Variants in MTSS2 observed in about 807,000 individuals in gnomAD.
MTSS2 encodes protein MTSS 2.
MTSS2 carries 27 observed loss-of-function variants against 67.1 expected under a neutral mutation model. That is an observed-to-expected ratio of 0.40 (90% confidence interval 0.30 to 0.55). The LOEUF (loss-of-function observed/expected upper bound fraction) is 0.55, where lower values mean the gene tolerates loss of function less well. Ranked by LOEUF, MTSS2 falls within the 20% of genes least tolerant of loss-of-function variation. The pLI is 0.43. For missense variants in MTSS2, 1,171 were observed against 1,067.8 expected, an observed-to-expected ratio of 1.10 and a Z score of -1.35; for synonymous variants, 624 against 468.6, an observed-to-expected ratio of 1.33 and a Z score of -4.28.
At chr16:70,665,400 G>A in intron 12 of MTSS2, 66 bp downstream of exon 12, 4 of 1,472,544 alleles carry the variant, frequency 2.7e-6, no homozygotes, top group Non-Finnish European at 3.7e-6. Context: ...AATGGCACCA[G>A]GTGGGGAGGG....
intron 11 of MTSS2, among the ~76,000 whole-genome samples, chr16:70,666,461 G>T (rs746053030): frequency 6.6e-6 from 1 of 152,224 alleles, no homozygotes; most frequent in African/African-American, 2.4e-5. Flanking sequence ...ATGTGTGACC[G>T]GCAGGGTTCC....
At chr16:70,666,398 TACAAAGA>T (rs1047067550) in intron 11 of MTSS2, among the ~76,000 whole-genome samples, 1 of 151,986 alleles carries the variant, frequency 6.6e-6, no homozygotes, top group Non-Finnish European at 1.5e-5. Flanking sequence ...CCTAAACAAC[TACAAAGA>T]ATAAAGAAAA....
At chr16:70,675,462 A>G (rs1315952923) in intron 10 of MTSS2, among the ~76,000 whole-genome samples, 1 of 152,184 alleles carries the variant, frequency 6.6e-6, no homozygotes, top group East Asian at 1.9e-4. Flanking sequence ...CAAAAAACCT[A>G]TTGGTTTCAC....
chr16:70,676,801 G>T, intron 10 of MTSS2, 80 bp downstream of exon 10: 1 of 1,247,438 alleles, frequency 8.0e-7, no homozygotes, highest in Non-Finnish European at 1.2e-6. Context: ...AGCAATTTCT[G>T]ATGCAATTTT....
chr16:70,664,730 G>A lies in MTSS2; in HGVS notation c.1339C>T (p.Leu447=), dbSNP rs2052635043. The A allele has an allele frequency of 1.2e-6, 2 of 1,612,796 alleles. No homozygotes were observed. The highest frequency in any genetic ancestry group is 1.7e-6 in the Non-Finnish European group (2 of 1,179,674). Residue 447 remains leucine (L), a synonymous_variant, in exon 14 of 15, where the codon CTG becomes TTG. Coordinates refer to ENST00000338779, the MANE Select transcript of MTSS2 (RefSeq NM_138383.3). ...AGGCCCCGCGTCAGCACCATGGCCA[G>A]GTCACTGGCGGCGGGGGACACCTCC... The part of the protein sequence containing the change: ...GEEVSPAASD[L]AMVLTRGLSL...
rs1056335454 is a variant in MTSS2, at chr16:70,663,617, G to C, written c.*60C>G. On this transcript the variant is annotated 3_prime_UTR_variant, in exon 15 of 15. Coordinates refer to ENST00000338779, the MANE Select transcript of MTSS2 (RefSeq NM_138383.3). ...TGGGCCTTTGCTCTGAGTGCCTGCG[G>C]CTCACAGACCAGGCCACCTGCTCGC... The C allele has an allele frequency of 2.0e-6, 3 of 1,482,036 alleles. No individual in the cohort carries two copies. Among genetic ancestry groups the C allele is most frequent in the South Asian group, 2.8e-5 (2 of 71,860 alleles). The allele number at this position is 1,482,036 out of a possible 1,614,324, so 91.8% of individuals were successfully genotyped here.
In MTSS2 at chr16:70,663,800, C is replaced by T. The variant is rs1157930532; in HGVS notation, c.2121G>A (p.Thr707=). Reference sequence around the variant, plus strand: ...TGGTGGCGGCTGGGGGTGGGGTGGGCGTCTCCTCCGTGGGGGTGGCCGACA... The same window carrying T: ...TGGTGGCGGCTGGGGGTGGGGTGGGTGTCTCCTCCGTGGGGGTGGCCGACA... ...TALSATPTEE[T]PTPPPAATSD... The change falls in exon 15 of 15, where the codon ACG becomes ACA. Residue 707 remains threonine (T), a synonymous_variant. Transcript: ENST00000338779. 55 of 1,353,444 alleles carry T rather than the reference C, an allele frequency of 4.1e-5. No homozygotes were observed. The highest frequency in any genetic ancestry group is 5.1e-5 in the Non-Finnish European group (52 of 1,025,350). The allele number at this position is 1,353,444 out of a possible 1,614,324, so 83.8% of individuals were successfully genotyped here. A position where few individuals can be genotyped will look rare whatever the true frequency, so the allele number is the denominator to read the frequency against.
At chr16:70,681,857 G>A (rs1049402099) in intron 1 of MTSS2, among the ~76,000 whole-genome samples, 2 of 152,246 alleles carry the variant, frequency 1.3e-5, no homozygotes, top group Admixed American at 6.5e-5. Context: ...CGGGGTCCTG[G>A]AGAAACCTCA....
At chr16:70,681,878 A>G (rs1366465365) in intron 1 of MTSS2, among the ~76,000 whole-genome samples, 4 of 152,210 alleles carry the variant, frequency 2.6e-5, no homozygotes. Flanking sequence ...GCCCTGGCCC[A>G]AGGGCCCTGT....
intron 14 of MTSS2, 74 bp downstream of exon 14, chr16:70,664,524 G>C: frequency 2.5e-6 from 4 of 1,575,336 alleles, no homozygotes; most frequent in East Asian, 2.3e-5. Flanking sequence ...TGAGCACAGA[G>C]GGGGAAGGAC....
At position 70,663,078 on chromosome 16, in the gene MTSS2, G is replaced by C. The variant is rs2052550666; in HGVS notation, c.*599C>G. 6.6e-6 allele frequency: 1 copy of C among 151,466 alleles called. No individual in the cohort carries two copies. Among genetic ancestry groups the C allele is most frequent in the East Asian group, 2.0e-4 (1 of 5,128 alleles). The allele number at this position is 151,466 out of a possible 1,614,324, so 9.4% of individuals were successfully genotyped here. A position where few individuals can be genotyped will look rare whatever the true frequency, so the allele number is the denominator to read the frequency against. On this transcript the variant is annotated 3_prime_UTR_variant, in exon 15 of 15. Transcript: ENST00000338779. ...CTCCCTGAGACTTGGCGTGGGCCCTGGAACTCCCTTCCCACACGGGGGGCC... is the reference window on the plus strand; with the variant it reads ...CTCCCTGAGACTTGGCGTGGGCCCTCGAACTCCCTTCCCACACGGGGGGCC...
In MTSS2 at chr16:70,663,728, G is replaced by A; in HGVS notation, c.2193C>T (p.Val731=). The part of the protein sequence containing the change: ...EDMLVAIRRG[V]RLRRTVTNDR... Reference sequence around the variant, plus strand: ...CGTTGGTGACGGTCCTGCGGAGCCGGACCCCACGCCGGATGGCCACCAGCA... The same window carrying A: ...CGTTGGTGACGGTCCTGCGGAGCCGAACCCCACGCCGGATGGCCACCAGCA... Residue 731 remains valine (V), a synonymous_variant, in exon 15 of 15, where the codon GTC becomes GTT. Transcript: ENST00000338779. 2.5e-6 allele frequency: 4 copies of A among 1,581,744 alleles called. No individual in the cohort carries two copies. The highest frequency in any genetic ancestry group is 1.2e-5 in the South Asian group (1 of 86,908).
chr16:70,661,452 G>A lies in MTSS2; in HGVS notation c.*2225C>T, dbSNP rs957091091. 12 of 374,718 alleles carry A rather than the reference G, an allele frequency of 3.2e-5. No individual in the cohort carries two copies. Among genetic ancestry groups the A allele is most frequent in the Non-Finnish European group, 4.2e-5 (8 of 189,684 alleles). 23.2% of individuals were successfully genotyped at this position (374,718 alleles called of 1,614,324 possible). On this transcript the variant is annotated 3_prime_UTR_variant, in exon 15 of 15. Transcript: ENST00000338779. ...GGGGGAATAAATTAAAAAAAGGAAC[G>A]AGTTAACAACAGCACCAGGAAAGTT...
Position 70,665,142 on chromosome 16 carries a change from C to G in MTSS2, c.1129-46G>C, listed in dbSNP as rs371245390. The stretch of plus-strand genomic sequence containing the variant: ...GTCAGGGGGACCACTGGCCCTACCA[C>G]CTATGGCCCGGGGGCCCGTCACTGT... On this transcript the variant is annotated intron_variant, in intron 12 of 14. Coordinates refer to ENST00000338779, the MANE Select transcript of MTSS2 (RefSeq NM_138383.3). 14 of 1,548,172 alleles carry G rather than the reference C, an allele frequency of 9.0e-6. No homozygotes were observed. The South Asian group carries it at 1.7e-4, about 19-fold the overall frequency.
At chr16:70,674,725 G>T (rs541591184) in intron 10 of MTSS2, among the ~76,000 whole-genome samples, 197 bp from the exon 11 acceptor site, 5 of 152,344 alleles carry the variant, frequency 3.3e-5, no homozygotes, top group Admixed American at 2.0e-4. Flanking sequence ...GGGAGGGCCA[G>T]AGCAGGGTAC....
chr16:70,672,069 CA>C (rs1457777617), intron 11 of MTSS2, among the ~76,000 whole-genome samples: 6 of 152,170 alleles, frequency 3.9e-5, no homozygotes, highest in Admixed American at 2.6e-4. Context: ...GGGTCCTAGC[CA>C]GGGGCAGTGG....
chr16:70,680,129 C>G, intron 3 of MTSS2, 74 bp from the exon 4 acceptor site: 1 of 1,080,960 alleles, frequency 9.3e-7, no homozygotes. Context: ...CAGGAGGGGG[C>G]GCCCCGGCCG....
At chr16:70,671,603 T>G (rs2052939239) in intron 11 of MTSS2, among the ~76,000 whole-genome samples, 1 of 152,162 alleles carries the variant, frequency 6.6e-6, no homozygotes, top group Non-Finnish European at 1.5e-5. Context: ...TCACCTATTT[T>G]AACAAGCAAG....
At position 70,663,810 on chromosome 16, in the gene MTSS2, G is replaced by C. The variant is rs547904006; in HGVS notation, c.2111C>G (p.Thr704Arg). ...TGGGGGTGGGGTGGGCGTCTCCTCC[G>C]TGGGGGTGGCCGACAGAGCAGTGGG... ...PFPTALSATP[T>R]EETPTPPPAA... The change falls in exon 15 of 15, where the codon ACG becomes AGG. Residue 704 changes from threonine (T) to arginine (R), a missense_variant. By Grantham distance (71) the Thr-to-Arg change is moderately conservative (BLOSUM62 -1). Transcript: ENST00000338779. 1.8e-5 allele frequency: 27 copies of C among 1,482,462 alleles called. No individual in the cohort carries two copies. Among genetic ancestry groups the C allele is most frequent in the Admixed American group, 6.2e-5 (3 of 48,334 alleles). 91.8% of individuals were successfully genotyped at this position (1,482,462 alleles called of 1,614,324 possible). A position where few individuals can be genotyped will look rare whatever the true frequency, so the allele number is the denominator to read the frequency against.
Sources: allele counts gnomAD v4.1 joint callset (sites outside exome capture counted in the v4.1 genomes callset), GRCh38; gene constraint gnomAD v4.1.1; transcripts MANE v1.5; gene names NCBI Gene and HGNC (gene_info 2026-07-23, HGNC 2026-07-21).